The following ZFAND3 variants were observed in gnomAD, a reference collection of about 807,000 sequenced individuals.
The protein encoded by ZFAND3 is zinc finger AN1-type containing 3, also known as AN1-type zinc finger protein 3.
Under a neutral mutation model 29.6 loss-of-function variants are expected in ZFAND3, and 10 were observed. That is an observed-to-expected ratio of 0.34 (90% CI 0.21 to 0.57). The LOEUF (loss-of-function observed/expected upper bound fraction) is 0.57. Among genes scored for constraint, ZFAND3 ranks in the 20% least tolerant of loss-of-function variants. The probability of loss-of-function intolerance (pLI) is 0.86; values close to 1 mark genes in which losing one functional copy is unlikely to be tolerated. For missense variants in ZFAND3, 230 were observed against 304.5 expected (o/e 0.76, Z 1.82); for synonymous variants, 128 against 112.6 (o/e 1.14, Z -0.87).
intron 4 of ZFAND3, among the ~76,000 whole-genome samples, chr6:38,104,694 A>G (rs946782059): frequency 6.6e-6 from 1 of 152,230 alleles, no homozygotes; most frequent in Admixed American, 6.5e-5. Flanking sequence ...TTCTAAGAGC[A>G]GAGAACAAGT....
At chr6:37,984,462 C>T (rs1762631482) in intron 2 of ZFAND3, among the ~76,000 whole-genome samples, 2 of 152,182 alleles carry the variant, frequency 1.3e-5, no homozygotes, top group African/African-American at 4.8e-5. Context: ...TTCACATTCC[C>T]TCAGGTGGTA....
intron 1 of ZFAND3, among the ~76,000 whole-genome samples, chr6:37,881,651 C>T (rs949358095): frequency 6.6e-6 from 1 of 152,062 alleles, no homozygotes; most frequent in African/African-American, 2.4e-5. Context: ...CCAAAAAGTA[C>T]GAGCTATATA....
At chr6:38,120,539 T>C (rs1030432566) in intron 5 of ZFAND3, among the ~76,000 whole-genome samples, 2 of 151,906 alleles carry the variant, frequency 1.3e-5, no homozygotes, top group African/African-American at 4.8e-5. Context: ...TTGCCCAGGC[T>C]GGTCTTGAAC....
At chr6:37,985,189 G>A (rs1016393962) in intron 2 of ZFAND3, among the ~76,000 whole-genome samples, 7 of 152,136 alleles carry the variant, frequency 4.6e-5, no homozygotes, top group African/African-American at 1.7e-4. Context: ...TGGGTGTAGT[G>A]GCATGTGCCT....
At chr6:38,038,249 C>T (rs541092629) in intron 2 of ZFAND3, among the ~76,000 whole-genome samples, 1 of 152,172 alleles carries the variant, frequency 6.6e-6, no homozygotes, top group Non-Finnish European at 1.5e-5. Context: ...TTGTTACCCT[C>T]TAGCATGTTG....
intron 1 of ZFAND3, among the ~76,000 whole-genome samples, chr6:37,881,802 C>G (rs368497490): frequency 7.9e-5 from 12 of 151,410 alleles, no homozygotes; most frequent in African/African-American, 2.9e-4. Flanking sequence ...TAGGGGTAGG[C>G]AAGAGTAGAG....
chr6:37,936,915 A>G lies in ZFAND3; in HGVS notation c.112+6916A>G, dbSNP rs371997481. ...TATAACAATGCTGGGCGCAGGGTGA[A>G]ATGGTAGATAAGCCAAAATGCTAAC... On this transcript the variant is annotated intron_variant, in intron 2 of 5. Coordinates refer to ENST00000287218, the MANE Select transcript of ZFAND3 (RefSeq NM_021943.3). Among the ~76,000 whole-genome samples the G allele has an allele frequency of 2.0e-5, 3 of 152,196 alleles. No individual in the cohort carries two copies. In the South Asian group the frequency reaches 6.2e-4, roughly 31 times the overall value.
chr6:37,859,982 C>T (rs1764452543), intron 1 of ZFAND3, among the ~76,000 whole-genome samples: 1 of 150,594 alleles, frequency 6.6e-6, no homozygotes, highest in South Asian at 2.1e-4. Flanking sequence ...AGTGATTCTC[C>T]TGCCTCAGCC....
chr6:38,067,239 G>A (rs894629842), intron 3 of ZFAND3, among the ~76,000 whole-genome samples: 1 of 152,186 alleles, frequency 6.6e-6, no homozygotes, highest in African/African-American at 2.4e-5. Context: ...TTTTCCATCT[G>A]TATTTGGTTG....
chr6:38,079,050 C>T (rs898847558), intron 3 of ZFAND3, among the ~76,000 whole-genome samples: 3 of 152,100 alleles, frequency 2.0e-5, no homozygotes, highest in African/African-American at 7.2e-5. Flanking sequence ...CCCTTAATTT[C>T]CTGCATTGAT....
At chr6:38,101,714 C>T (rs546874937) in intron 4 of ZFAND3, among the ~76,000 whole-genome samples, 21 of 123,816 alleles carry the variant, frequency 1.7e-4, no homozygotes, top group African/African-American at 6.2e-4. Flanking sequence ...GTGGAGGTTG[C>T]GGTGAGCGGA....
intron 2 of ZFAND3, among the ~76,000 whole-genome samples, chr6:37,975,792 TATA>T (rs1762467679): frequency 6.6e-6 from 1 of 152,206 alleles, no homozygotes; most frequent in Non-Finnish European, 1.5e-5. Flanking sequence ...ACATAAACTT[TATA>T]ATAATTCTTG....
intron 2 of ZFAND3, among the ~76,000 whole-genome samples, chr6:37,934,379 A>G (rs1184144884): frequency 1.3e-5 from 2 of 152,018 alleles, no homozygotes; most frequent in African/African-American, 4.8e-5. Flanking sequence ...TTATCATCCA[A>G]TATTTTCTAT....
intron 1 of ZFAND3, among the ~76,000 whole-genome samples, chr6:37,920,180 C>A (rs1349739639): frequency 6.8e-6 from 1 of 146,468 alleles, no homozygotes. Flanking sequence ...GGGAAGAAAA[C>A]CTTATCTTAT....
chr6:37,847,445 T>G (rs13205311), intron 1 of ZFAND3, among the ~76,000 whole-genome samples: 32,610 of 151,742 alleles, frequency 0.21, 4,332 homozygotes, highest in African/African-American at 0.37. Flanking sequence ...GTGGTGGCAT[T>G]TGCCTGTAAT....
At chr6:37,846,061 C>T (rs894861451) in intron 1 of ZFAND3, among the ~76,000 whole-genome samples, 19 of 152,174 alleles carry the variant, frequency 1.2e-4, no homozygotes, top group African/African-American at 3.9e-4. Flanking sequence ...AATACCTGTA[C>T]AGCTTTTCCT....
chr6:37,950,278 T>C (rs1482976365), intron 2 of ZFAND3, among the ~76,000 whole-genome samples: 1 of 152,168 alleles, frequency 6.6e-6, no homozygotes, highest in Non-Finnish European at 1.5e-5. Flanking sequence ...GATTTTCGTA[T>C]GTGGTAAAAG....
intron 4 of ZFAND3, among the ~76,000 whole-genome samples, chr6:38,095,990 A>T (rs1764970425): frequency 6.6e-6 from 1 of 152,050 alleles, no homozygotes; most frequent in Admixed American, 6.6e-5. Flanking sequence ...CCATGATTGC[A>T]CCACTGCACT....
chr6:38,136,003 G>GA (rs1765835774), intron 5 of ZFAND3, among the ~76,000 whole-genome samples: 1 of 152,150 alleles, frequency 6.6e-6, no homozygotes, highest in South Asian at 2.1e-4. Context: ...GTGTTGGAGA[G>GA]AAAAGAGACA....
Sources: gnomAD v4.1 joint callset for allele counts (sites outside exome capture counted in the v4.1 genomes callset) on GRCh38, gnomAD v4.1.1 for gene constraint, MANE v1.5 for transcripts, NCBI Gene and HGNC (gene_info 2026-07-23, HGNC 2026-07-21) for gene names.